The following IQSEC1 variants were observed in gnomAD, a reference collection of about 807,000 sequenced individuals.
IQSEC1 encodes IQ motif and SEC7 domain-containing protein 1.
In IQSEC1, 31 loss-of-function variants were observed where a neutral mutation model predicts 91.0. That is an observed-to-expected ratio of 0.34 (90% CI 0.26 to 0.46). The LOEUF (loss-of-function observed/expected upper bound fraction) is 0.46. IQSEC1 is among the 20% of genes least tolerant of loss of function. IQSEC1 has a pLI of 1.00. For synonymous variants in IQSEC1, 699 were observed against 662.6 expected (o/e 1.05, Z -0.84); for missense variants, 1,388 against 1,575.6 (o/e 0.88, Z 2.02).
chr3:13,151,149 G>C (rs1706991689), intron 2 of IQSEC1, among the ~76,000 whole-genome samples: 1 of 152,212 alleles, frequency 6.6e-6, no homozygotes, highest in African/African-American at 2.4e-5. Flanking sequence ...CAGCTTGGTT[G>C]TACCAGCAAC....
intron 1 of IQSEC1, among the ~76,000 whole-genome samples, chr3:12,952,652 C>T (rs994040010): frequency 6.6e-6 from 1 of 152,196 alleles, no homozygotes; most frequent in Non-Finnish European, 1.5e-5. Context: ...CTCTGAACCC[C>T]CTGGCCACTC....
At chr3:13,107,502 G>A (rs936620139) in intron 2 of IQSEC1, among the ~76,000 whole-genome samples, 4 of 152,212 alleles carry the variant, frequency 2.6e-5, no homozygotes, top group Non-Finnish European at 5.9e-5. Context: ...GGCTCAGAGC[G>A]GTTAAGTCAC....
intron 1 of IQSEC1, among the ~76,000 whole-genome samples, chr3:13,192,471 A>G (rs1289874358): frequency 6.6e-6 from 1 of 152,194 alleles, no homozygotes; most frequent in East Asian, 1.9e-4. Context: ...GTTTGGACAG[A>G]GATGCACGCA....
At chr3:13,272,757 CT>C in intron 1 of IQSEC1, among the ~76,000 whole-genome samples, 1 of 152,248 alleles carries the variant, frequency 6.6e-6, no homozygotes, top group African/African-American at 2.4e-5. Flanking sequence ...CAGGCTCCTC[CT>C]TTTTTGTCGG....
At chr3:13,036,138 G>A (rs1363642656) in intron 1 of IQSEC1, among the ~76,000 whole-genome samples, 1 of 152,174 alleles carries the variant, frequency 6.6e-6, no homozygotes, top group Non-Finnish European at 1.5e-5. Flanking sequence ...AAACCACTAA[G>A]TTTTGGGGTG....
At chr3:13,065,959 C>T (rs1486961328) in intron 1 of IQSEC1, among the ~76,000 whole-genome samples, 1 of 152,118 alleles carries the variant, frequency 6.6e-6, no homozygotes, top group Non-Finnish European at 1.5e-5. Context: ...GGACATGAGG[C>T]TAAGTGAAGT....
At chr3:13,200,176 TACA>T in intron 1 of IQSEC1, among the ~76,000 whole-genome samples, 1 of 145,736 alleles carries the variant, frequency 6.9e-6, no homozygotes, top group South Asian at 2.2e-4. Flanking sequence ...TACACACACA[TACA>T]ACACACACAT....
intron 1 of IQSEC1, among the ~76,000 whole-genome samples, chr3:12,976,467 G>A (rs955554425): frequency 1.3e-5 from 2 of 152,206 alleles, no homozygotes; most frequent in African/African-American, 4.8e-5. Context: ...CTGGGAGCCT[G>A]GGACCAGAGC....
At chr3:13,153,025 C>T (rs168581) in intron 2 of IQSEC1, among the ~76,000 whole-genome samples, 46,817 of 146,756 alleles carry the variant, frequency 0.32, 8,047 homozygotes, top group East Asian at 0.52. Context: ...CCCCCATCCT[C>T]CCTCCCATGC....
At chr3:13,023,386 G>A (rs1428031400) in intron 1 of IQSEC1, among the ~76,000 whole-genome samples, 3 of 152,138 alleles carry the variant, frequency 2.0e-5, no homozygotes, top group Non-Finnish European at 4.4e-5. Flanking sequence ...CAGGGATAAT[G>A]ACTCACGGAT....
chr3:13,058,836 A>G (rs1704967262), intron 1 of IQSEC1, among the ~76,000 whole-genome samples: 2 of 152,212 alleles, frequency 1.3e-5, no homozygotes, highest in Admixed American at 1.3e-4. Context: ...CTTGGGACAC[A>G]GAGCATTTTC....
intron 1 of IQSEC1, among the ~76,000 whole-genome samples, chr3:13,270,420 G>A (rs1010576306): frequency 2.0e-5 from 3 of 152,154 alleles, no homozygotes; most frequent in African/African-American, 4.8e-5. Context: ...CACTCCCCTT[G>A]TCTTCAGGAA....
intron 1 of IQSEC1, among the ~76,000 whole-genome samples, chr3:13,241,329 G>T (rs112404501): frequency 6.6e-6 from 1 of 152,172 alleles, no homozygotes; most frequent in African/African-American, 2.4e-5. Context: ...TTCGAAGGAC[G>T]ACCTGGAAAT....
intron 3 of IQSEC1, among the ~76,000 whole-genome samples, chr3:12,925,966 T>A (rs1305613525): frequency 6.6e-6 from 1 of 152,144 alleles, no homozygotes; most frequent in African/African-American, 2.4e-5. Context: ...CTGCCCATCT[T>A]GTGGTAGGTC....
intron 2 of IQSEC1, among the ~76,000 whole-genome samples, chr3:13,089,147 C>T (rs1705793717): frequency 6.6e-6 from 1 of 152,280 alleles, no homozygotes; most frequent in Non-Finnish European, 1.5e-5. Context: ...CACTGCCACA[C>T]CCCATCCTGG....
chr3:13,050,660 C>T (rs116165990), intron 1 of IQSEC1, among the ~76,000 whole-genome samples: 6 of 152,336 alleles, frequency 3.9e-5, no homozygotes, highest in Non-Finnish European at 8.8e-5. Context: ...GGCAAGTTAA[C>T]TAACCTCTCT....
At chr3:13,277,686 C>T (rs1183228077) in intron 1 of IQSEC1, among the ~76,000 whole-genome samples, 1 of 152,200 alleles carries the variant, frequency 6.6e-6, no homozygotes, top group Non-Finnish European at 1.5e-5. Context: ...TGGACACGGG[C>T]TTTATCTTGG....
intron 4 of IQSEC1, among the ~76,000 whole-genome samples, chr3:12,923,629 G>A (rs1696835027): frequency 6.7e-6 from 1 of 150,266 alleles, no homozygotes; most frequent in East Asian, 1.9e-4. Context: ...CTCCCACTCT[G>A]AGCCTTGGTT....
At chr3:13,030,079 C>T (rs902194240) in intron 1 of IQSEC1, among the ~76,000 whole-genome samples, 1 of 152,240 alleles carries the variant, frequency 6.6e-6, no homozygotes, top group Non-Finnish European at 1.5e-5. Flanking sequence ...GTTAGGATTA[C>T]AGGCGTGAGC....
Sources: allele counts gnomAD v4.1 joint callset (sites outside exome capture counted in the v4.1 genomes callset), GRCh38; gene constraint gnomAD v4.1.1; transcripts MANE v1.5; gene names NCBI Gene and HGNC (gene_info 2026-07-23, HGNC 2026-07-21).